MAN2A1: variants seen among roughly 807,000 people sequenced by gnomAD.
MAN2A1 encodes mannosidase alpha class 2A member 1, also known as alpha-mannosidase 2.
MAN2A1 carries 76 observed loss-of-function variants against 142.6 expected under a neutral mutation model. That is an observed-to-expected ratio of 0.53 (90% CI 0.44 to 0.65). The LOEUF (loss-of-function observed/expected upper bound fraction) is 0.65. Among genes scored for constraint, MAN2A1 ranks in the 30% least tolerant of loss-of-function variants. The pLI is 0.00. For missense variants in MAN2A1, 1,311 were observed against 1,365.1 expected (o/e 0.96, Z 0.62); for synonymous variants, 559 against 473.2 (o/e 1.18, Z -2.35).
chr5:109,753,803 T>A (rs1752609275), intron 4 of MAN2A1, among the ~76,000 whole-genome samples: 1 of 152,208 alleles, frequency 6.6e-6, no homozygotes, highest in Non-Finnish European at 1.5e-5. Flanking sequence ...TTAAAGCTGC[T>A]TTGCTTCTTT....
At chr5:109,824,173 A>C (rs545674866) in intron 16 of MAN2A1, among the ~76,000 whole-genome samples, 1 of 152,324 alleles carries the variant, frequency 6.6e-6, no homozygotes, top group Admixed American at 6.5e-5. Flanking sequence ...TACGACTTTC[A>C]GTTAATAGAC....
intron 12 of MAN2A1, among the ~76,000 whole-genome samples, chr5:109,803,723 A>G (rs1200026297): frequency 6.6e-6 from 1 of 152,112 alleles, no homozygotes; most frequent in Non-Finnish European, 1.5e-5. Flanking sequence ...TTTGAAAAGA[A>G]GACGAGGTGG....
intron 12 of MAN2A1, among the ~76,000 whole-genome samples, chr5:109,808,864 G>A (rs1216655578): frequency 6.6e-6 from 1 of 151,722 alleles, no homozygotes; most frequent in African/African-American, 2.4e-5. Flanking sequence ...CCACCATGCT[G>A]GCTAATTTTT....
chr5:109,787,286 A>G (rs549469231), intron 10 of MAN2A1, among the ~76,000 whole-genome samples: 1 of 151,966 alleles, frequency 6.6e-6, no homozygotes, highest in African/African-American at 2.4e-5. Flanking sequence ...AATGTAGACA[A>G]ACTATATAGT....
At chr5:109,720,526 T>C (rs1751571697) in intron 3 of MAN2A1, among the ~76,000 whole-genome samples, 1 of 152,210 alleles carries the variant, frequency 6.6e-6, no homozygotes, top group Non-Finnish European at 1.5e-5. Flanking sequence ...TATTTTCAAG[T>C]ATAGTTAGAA....
At chr5:109,729,582 A>G (rs757745573) in intron 4 of MAN2A1, 69 bp downstream of exon 4, 142 of 758,918 alleles carry the variant, frequency 1.9e-4, no homozygotes, top group Non-Finnish European at 2.6e-4. Flanking sequence ...TAAGTATTGA[A>G]TTTTTAGATG....
chr5:109,695,564 A>G (rs1003905477), intron 1 of MAN2A1, among the ~76,000 whole-genome samples: 4 of 152,170 alleles, frequency 2.6e-5, no homozygotes, highest in African/African-American at 9.6e-5. Flanking sequence ...CAGGAGTCTT[A>G]GTTTTCCCTT....
At chr5:109,719,931 T>A (rs1237104823) in intron 3 of MAN2A1, among the ~76,000 whole-genome samples, 1 of 152,172 alleles carries the variant, frequency 6.6e-6, no homozygotes, top group Non-Finnish European at 1.5e-5. Context: ...GGAAAAGAAT[T>A]GTGAAGTAAA....
chr5:109,744,995 A>T (rs1221981657), intron 4 of MAN2A1, among the ~76,000 whole-genome samples: 4 of 152,182 alleles, frequency 2.6e-5, no homozygotes, highest in Non-Finnish European at 5.9e-5. Flanking sequence ...AGAAGAAGAG[A>T]GACAGAAGAG....
At chr5:109,692,841 C>G (rs1476834261) in intron 1 of MAN2A1, among the ~76,000 whole-genome samples, 3 of 152,138 alleles carry the variant, frequency 2.0e-5, no homozygotes, top group Admixed American at 2.0e-4. Context: ...GGGGATGAAG[C>G]TGTTCCACCT....
chr5:109,709,760 C>T (rs1751243669), intron 1 of MAN2A1, among the ~76,000 whole-genome samples: 1 of 152,134 alleles, frequency 6.6e-6, no homozygotes. Context: ...ATCATGACCT[C>T]CTTCCCCACT....
chr5:109,819,853 T>C lies in MAN2A1; in HGVS notation c.2294T>C (p.Val765Ala), dbSNP rs776826075. 2 of 1,603,572 alleles carry C rather than the reference T, an allele frequency of 1.2e-6. No homozygotes were observed. The highest frequency in any genetic ancestry group is 4.5e-5 in the East Asian group (2 of 44,638). ...EEGITLENSFVLLRFDQTGLM... is the reference protein window; with the variant it reads ...EEGITLENSFALLRFDQTGLM... ...GGTATAACACTAGAGAACTCCTTTG[T>C]TTTACTTCGGTTTGATCAAACTGGA... is the stretch of plus-strand genomic sequence containing the variant. The change falls in exon 14 of 22, where the codon GTT becomes GCT. Residue 765 changes from valine (V) to alanine (A), a missense_variant. Transcript: ENST00000261483.
chr5:109,760,940 G>A (rs1201690737), intron 5 of MAN2A1, among the ~76,000 whole-genome samples: 1 of 151,580 alleles, frequency 6.6e-6, no homozygotes, highest in Non-Finnish European at 1.5e-5. Context: ...GATATTCTTT[G>A]TATGTTCTAA....
chr5:109,804,130 G>T, intron 12 of MAN2A1: 3 of 985,582 alleles, frequency 3.0e-6, no homozygotes, highest in South Asian at 9.4e-5. Context: ...TTCTGAACTA[G>T]ATTTTTTTTC....
rs554555820 is a variant in MAN2A1 at position 109,818,310 on chromosome 5, G to A, written c.2109+872G>A. 3.4e-3 allele frequency among the ~76,000 whole-genome samples: 521 copies of A among 152,080 alleles called. 1 individual carries two copies. Among genetic ancestry groups the A allele is most frequent in the Non-Finnish European group, 4.9e-3 (332 of 67,978 alleles). ...TGTGCCACCACGCCTGGCTAATTTT[G>A]TATTTTTAGTAGAGAGGGGGTTTCA... On this transcript the variant is annotated intron_variant, in intron 13 of 21. Coordinates refer to ENST00000261483, the MANE Select transcript of MAN2A1 (RefSeq NM_002372.4).
At chr5:109,842,578 A>G (rs150382793) in intron 17 of MAN2A1, 117 bp downstream of exon 17, 4 of 606,968 alleles carry the variant, frequency 6.6e-6, no homozygotes, top group African/African-American at 5.7e-5. Context: ...GTTGCAAATT[A>G]TATCTAAAAT....
intron 4 of MAN2A1, among the ~76,000 whole-genome samples, chr5:109,735,984 C>T (rs1752085545): frequency 7.1e-6 from 1 of 140,822 alleles, no homozygotes; most frequent in South Asian, 2.5e-4. Flanking sequence ...GATTAATTAA[C>T]TACCTCATCC....
At chr5:109,808,954 C>T (rs981653850) in intron 12 of MAN2A1, among the ~76,000 whole-genome samples, 6 of 151,988 alleles carry the variant, frequency 3.9e-5, no homozygotes, top group South Asian at 2.1e-4. Flanking sequence ...CTGCCTGCCT[C>T]GGCCTCCCAA....
chr5:109,864,156 C>G (rs368216907), intron 20 of MAN2A1: 1 of 152,206 alleles, frequency 6.6e-6, no homozygotes, highest in East Asian at 1.9e-4. Flanking sequence ...AGTTTTATCA[C>G]AATGTCAGTG....
Sources: allele counts gnomAD v4.1 joint callset (sites outside exome capture counted in the v4.1 genomes callset), GRCh38; gene constraint gnomAD v4.1.1; transcripts MANE v1.5; gene names NCBI Gene and HGNC (gene_info 2026-07-23, HGNC 2026-07-21).